KIAA0513: variants seen among roughly 807,000 people sequenced by gnomAD.
KIAA0513 encodes KIAA0513.
Under a neutral mutation model 56.5 loss-of-function variants are expected in KIAA0513, and 39 were observed. The observed-to-expected ratio is 0.69, with a 90% CI of 0.53 to 0.90. KIAA0513 has a LOEUF of 0.90. Ranked by LOEUF, KIAA0513 falls within the 40% of genes least tolerant of loss-of-function variation. The pLI, the probability that KIAA0513 is intolerant of heterozygous loss-of-function variation, is 0.00. For missense variants in KIAA0513, 591 were observed against 535.2 expected, an observed-to-expected ratio of 1.10 and a Z score of -1.03; for synonymous variants, 268 against 215.6, an observed-to-expected ratio of 1.24 and a Z score of -2.13.
At chr16:85,080,226 G>C (rs892015316) in intron 8 of KIAA0513, among the ~76,000 whole-genome samples, 1 of 152,196 alleles carries the variant, frequency 6.6e-6, no homozygotes, top group Admixed American at 6.5e-5. Context: ...TGGTGATTCA[G>C]CTCAGCTCCT....
chr16:85,069,275 G>A (rs965721619), intron 2 of KIAA0513, among the ~76,000 whole-genome samples: 12 of 151,356 alleles, frequency 7.9e-5, no homozygotes, highest in African/African-American at 2.7e-4. Context: ...CAGTGGTGCA[G>A]TCATAGCTCA....
chr16:85,051,964 A>T (rs2073258687), intron 1 of KIAA0513, among the ~76,000 whole-genome samples: 1 of 151,028 alleles, frequency 6.6e-6, no homozygotes, highest in South Asian at 2.1e-4. Context: ...TCCTTTCATG[A>T]TTTTTTAAGT....
intron 2 of KIAA0513, among the ~76,000 whole-genome samples, chr16:85,068,747 G>A (rs377691644): frequency 5.2e-4 from 79 of 152,320 alleles, no homozygotes; most frequent in Non-Finnish European, 7.2e-4. Context: ...GATTACAGGC[G>A]TGGGCCACCG....
intron 1 of KIAA0513, among the ~76,000 whole-genome samples, chr16:85,055,301 C>T (rs1384566661): frequency 6.6e-6 from 1 of 152,032 alleles, no homozygotes; most frequent in African/African-American, 2.4e-5. Flanking sequence ...CTAGACAGTA[C>T]CATGATGGGC....
rs563857240 is a variant in KIAA0513 at position 85,088,740 on chromosome 16, C to T, written c.*415C>T. On this transcript the variant is annotated 3_prime_UTR_variant, in exon 13 of 13. Coordinates refer to ENST00000683363, the MANE Select transcript of KIAA0513 (RefSeq NM_001388359.1). ...GGCACACCCAGTGGTGGAGGGCCGGCGCTGCCACTCACGGTGGGTGGCCGT... is the reference window on the plus strand; with the variant it reads ...GGCACACCCAGTGGTGGAGGGCCGGTGCTGCCACTCACGGTGGGTGGCCGT... The T allele has an allele frequency of 4.5e-3, 809 of 178,332 alleles. 6 individuals carry two copies. The highest frequency in any genetic ancestry group is 0.019 in the African/African-American group (787 of 42,342). 11.0% of individuals were successfully genotyped at this position (178,332 alleles called of 1,614,324 possible). A position where few individuals can be genotyped will look rare whatever the true frequency, so the allele number is the denominator to read the frequency against.
intron 1 of KIAA0513, among the ~76,000 whole-genome samples, chr16:85,042,010 G>A (rs944558538): frequency 6.6e-6 from 1 of 152,272 alleles, no homozygotes; most frequent in East Asian, 1.9e-4. Context: ...GAAGCCTGAA[G>A]TCTCATGTAA....
chr16:85,052,137 T>C (rs1336454780), intron 1 of KIAA0513, among the ~76,000 whole-genome samples: 2 of 152,000 alleles, frequency 1.3e-5, no homozygotes, highest in Non-Finnish European at 2.9e-5. Flanking sequence ...CTGGCCAACA[T>C]GGTGAAACCC....
rs1273026288 is a variant in KIAA0513 at position 85,027,813 on chromosome 16, G to A, written c.-218G>A. 6.6e-6 allele frequency: 1 copy of A among 152,122 alleles called. No individual in the cohort carries two copies. The highest frequency in any genetic ancestry group is 1.5e-5 in the Non-Finnish European group (1 of 68,012). 9.4% of individuals were successfully genotyped at this position (152,122 alleles called of 1,614,324 possible). On this transcript the variant is annotated 5_prime_UTR_variant, in exon 1 of 13. Coordinates refer to ENST00000683363, the MANE Select transcript of KIAA0513 (RefSeq NM_001388359.1). Reference sequence around the variant, plus strand: ...GGGCGGCGCAGTCGCCGCAGCAGCCGAGTCTGACGGCGCCGGTTCGCTGCC... The same window carrying A: ...GGGCGGCGCAGTCGCCGCAGCAGCCAAGTCTGACGGCGCCGGTTCGCTGCC...
chr16:85,041,682 C>G (rs2073105493), intron 1 of KIAA0513, among the ~76,000 whole-genome samples: 1 of 152,184 alleles, frequency 6.6e-6, no homozygotes, highest in African/African-American at 2.4e-5. Flanking sequence ...CAGCTGTCCT[C>G]TTCAGCCTCC....
At chr16:85,035,837 C>G (rs1449979008) in intron 1 of KIAA0513, among the ~76,000 whole-genome samples, 1 of 152,060 alleles carries the variant, frequency 6.6e-6, no homozygotes, top group East Asian at 1.9e-4. Context: ...AAAAATTAGC[C>G]AGGCTTGGTG....
At chr16:85,037,366 T>A (rs906697906) in intron 1 of KIAA0513, among the ~76,000 whole-genome samples, 11 of 152,048 alleles carry the variant, frequency 7.2e-5, no homozygotes, top group Non-Finnish European at 1.6e-4. Flanking sequence ...AGTCAGGGGA[T>A]ATCGGGTGAA....
At chr16:85,084,992 T>A (rs1297496210) in intron 10 of KIAA0513, among the ~76,000 whole-genome samples, 1 of 152,206 alleles carries the variant, frequency 6.6e-6, no homozygotes, top group Non-Finnish European at 1.5e-5. Context: ...GCAAGAAGAA[T>A]CGCCTCCTCA....
chr16:85,067,535 G>A, intron 2 of KIAA0513, 135 bp downstream of exon 2: 1 of 683,752 alleles, frequency 1.5e-6, no homozygotes, highest in Non-Finnish European at 2.4e-6. Context: ...AGCCAGGGGT[G>A]GCGACTGCAG....
Position 85,027,818 on chromosome 16 carries a change from T to C in KIAA0513, c.-213T>C, listed in dbSNP as rs1308254853. The C allele has an allele frequency of 1.3e-5, 2 of 152,058 alleles. No homozygotes were observed. Among genetic ancestry groups the C allele is most frequent in the African/African-American group, 4.8e-5 (2 of 41,406 alleles). 9.4% of individuals were successfully genotyped at this position (152,058 alleles called of 1,614,324 possible). Reference sequence around the variant, plus strand: ...GCGCAGTCGCCGCAGCAGCCGAGTCTGACGGCGCCGGTTCGCTGCCCGGTC... The same window carrying C: ...GCGCAGTCGCCGCAGCAGCCGAGTCCGACGGCGCCGGTTCGCTGCCCGGTC... On this transcript the variant is annotated 5_prime_UTR_variant, in exon 1 of 13. Transcript: ENST00000683363.
chr16:85,086,893 C>G (rs1342916171), intron 11 of KIAA0513, 169 bp downstream of exon 11: 2 of 827,940 alleles, frequency 2.4e-6, no homozygotes, highest in Middle Eastern at 3.1e-4. Flanking sequence ...CCTACACGAC[C>G]CCTGGTGGCC....
intron 4 of KIAA0513, 89 bp downstream of exon 4, chr16:85,073,087 G>C: frequency 9.2e-7 from 1 of 1,084,158 alleles, no homozygotes; most frequent in South Asian, 1.3e-5. Flanking sequence ...TCATAACCCA[G>C]CTGTGAACCA....
At chr16:85,052,239 G>A (rs1456215272) in intron 1 of KIAA0513, among the ~76,000 whole-genome samples, 1 of 152,108 alleles carries the variant, frequency 6.6e-6, no homozygotes, top group Non-Finnish European at 1.5e-5. Context: ...AGAATCGCTT[G>A]AACCCTGGAG....
In KIAA0513 at chr16:85,047,295, G is replaced by A. The variant is rs940833024; in HGVS notation, c.-173+19437G>A. Among the ~76,000 whole-genome samples the A allele has an allele frequency of 2.6e-5, 4 of 152,304 alleles. No homozygotes were observed. The South Asian group carries it at 6.2e-4, about 24-fold the overall frequency. ...GCTCTGTTTACATATGCCTCGCTCA[G>A]GGCTGAGCCCAGGAGCTCGTAACAA... On this transcript the variant is annotated intron_variant, in intron 1 of 12. Transcript: ENST00000683363.
intron 1 of KIAA0513, among the ~76,000 whole-genome samples, chr16:85,057,426 G>A (rs1403088325): frequency 1.3e-5 from 2 of 152,216 alleles, no homozygotes; most frequent in African/African-American, 4.8e-5. Context: ...GCCCCCAGTG[G>A]CTGGACTCTG....
Sources: gnomAD v4.1 joint callset for allele counts (sites outside exome capture counted in the v4.1 genomes callset) on GRCh38, gnomAD v4.1.1 for gene constraint, MANE v1.5 for transcripts, NCBI Gene and HGNC (gene_info 2026-07-23, HGNC 2026-07-21) for gene names.